MYLK: variants seen among roughly 807,000 people sequenced by gnomAD.
MYLK encodes the protein myosin light chain kinase, smooth muscle.
Under a neutral mutation model 203.4 loss-of-function variants are expected in MYLK, and 106 were observed. That is an observed-to-expected ratio of 0.52 (90% CI 0.45 to 0.61). MYLK has a LOEUF of 0.61. Among genes scored for constraint, MYLK ranks in the 20% least tolerant of loss-of-function variants. The pLI, the probability that MYLK is intolerant of heterozygous loss-of-function variation, is 0.00. For missense variants in MYLK, 2,072 were observed against 2,442.3 expected, an observed-to-expected ratio of 0.85 and a Z score of 3.20; for synonymous variants, 867 against 959.5, an observed-to-expected ratio of 0.90 and a Z score of 1.78.
chr3:123,753,366 G>A (rs755762261), intron 4 of MYLK, among the ~76,000 whole-genome samples: 5 of 152,154 alleles, frequency 3.3e-5, no homozygotes, highest in Non-Finnish European at 5.9e-5. Context: ...AGTCCTATGG[G>A]GTAGTGCTGC....
Position 123,692,791 on chromosome 3 carries a change from C to T in MYLK, c.3509G>A (p.Cys1170Tyr). The T allele has an allele frequency of 6.2e-7, 1 of 1,614,092 alleles. No individual in the cohort carries two copies. The highest frequency in any genetic ancestry group is 8.5e-7 in the Non-Finnish European group (1 of 1,180,022). ...ALPEDRGLYK[C>Y]VAKNDAGQAE... ...CTGGCCAGCGTCATTCTTGGCTACACACTTGTATAAGCCTCTGTCCTCAGG... is the reference window on the plus strand; with the variant it reads ...CTGGCCAGCGTCATTCTTGGCTACATACTTGTATAAGCCTCTGTCCTCAGG... The change falls in exon 19 of 34, where the codon TGT (cysteine) becomes TAT (tyrosine). Residue 1170 changes from cysteine to tyrosine, a missense_variant. By Grantham distance (194) the Cys-to-Tyr change is radical (BLOSUM62 -2). Transcript: ENST00000360304.
chr3:123,626,139 C>T (rs1328799020), intron 31 of MYLK, among the ~76,000 whole-genome samples: 1 of 152,160 alleles, frequency 6.6e-6, no homozygotes, highest in Non-Finnish European at 1.5e-5. Context: ...TTTAAATGGT[C>T]CCTGACAGAT....
chr3:123,757,331 T>C (rs2063387969), intron 4 of MYLK, among the ~76,000 whole-genome samples: 1 of 152,190 alleles, frequency 6.6e-6, no homozygotes, highest in Non-Finnish European at 1.5e-5. Flanking sequence ...TTCTCCAAGC[T>C]TGGTGAGTAG....
chr3:123,802,483 A>G (rs1577022083), intron 3 of MYLK, among the ~76,000 whole-genome samples: 1 of 152,280 alleles, frequency 6.6e-6, no homozygotes. Context: ...GCAGAGCAGC[A>G]GACCACGGGT....
intron 3 of MYLK, among the ~76,000 whole-genome samples, chr3:123,814,408 A>C (rs1366003615): frequency 1.3e-5 from 2 of 152,152 alleles, no homozygotes; most frequent in African/African-American, 4.8e-5. Flanking sequence ...AGGAATGTTG[A>C]ACTCACCCGA....
intron 5 of MYLK, among the ~76,000 whole-genome samples, chr3:123,747,289 T>G (rs2063048329): frequency 6.6e-6 from 1 of 152,166 alleles, no homozygotes; most frequent in South Asian, 2.1e-4. Flanking sequence ...TGTCACAGTC[T>G]AGGTGACCTG....
intron 3 of MYLK, among the ~76,000 whole-genome samples, chr3:123,798,706 G>C (rs1284946304): frequency 6.6e-6 from 1 of 152,202 alleles, no homozygotes; most frequent in Middle Eastern, 3.4e-3. Context: ...CTAGTCCCTT[G>C]CAAAGTGCTT....
At chr3:123,875,417 GAACA>G (rs2033088960) in intron 2 of MYLK, among the ~76,000 whole-genome samples, 1 of 152,184 alleles carries the variant, frequency 6.6e-6, no homozygotes, top group Non-Finnish European at 1.5e-5. Flanking sequence ...AGATAGGAAA[GAACA>G]CAGGGAGAGA....
At chr3:123,756,817 T>C (rs147112218) in intron 4 of MYLK, among the ~76,000 whole-genome samples, 119 of 152,304 alleles carry the variant, frequency 7.8e-4, no homozygotes, top group African/African-American at 2.4e-3. Context: ...CCACATTTAA[T>C]TGGAGGTTGT....
At position 123,769,664 on chromosome 3, in the gene MYLK, C is replaced by T. The variant is rs78567203; in HGVS notation, c.166-17126G>A. Among the ~76,000 whole-genome samples, 763 of 152,290 alleles carry T rather than the reference C, an allele frequency of 5.0e-3. 5 individuals are homozygous for T. The highest frequency in any genetic ancestry group is 7.4e-3 in the Non-Finnish European group (502 of 68,028). ...GGTTTTCCTTCAGTGGGCCTCATCA[C>T]GGCTTATAATTCATCTGTGTGCACA... is the stretch of plus-strand genomic sequence containing the variant. On this transcript the variant is annotated intron_variant, in intron 4 of 33. Transcript: ENST00000360304.
intron 28 of MYLK, among the ~76,000 whole-genome samples, chr3:123,638,463 G>T (rs941783092): frequency 6.6e-6 from 1 of 152,170 alleles, no homozygotes; most frequent in African/African-American, 2.4e-5. Context: ...CCCCTGAATG[G>T]TCTTTTTGTG....
chr3:123,694,262 A>G (rs2060812470), intron 18 of MYLK, among the ~76,000 whole-genome samples: 1 of 152,320 alleles, frequency 6.6e-6, no homozygotes, highest in African/African-American at 2.4e-5. Flanking sequence ...ACCCTTATAC[A>G]GACCCCAAAC....
At chr3:123,656,522 T>G (rs976451347) in intron 24 of MYLK, among the ~76,000 whole-genome samples, 17 of 152,146 alleles carry the variant, frequency 1.1e-4, no homozygotes, top group African/African-American at 4.1e-4. Flanking sequence ...TCTTGTAGAG[T>G]GCCTTTCCTT....
intron 2 of MYLK, among the ~76,000 whole-genome samples, chr3:123,847,715 T>A (rs557188821): frequency 1.3e-5 from 2 of 152,264 alleles, no homozygotes; most frequent in South Asian, 4.1e-4. Context: ...ATTAATATAT[T>A]TTCTAATGTT....
intron 29 of MYLK, among the ~76,000 whole-genome samples, chr3:123,631,771 G>A (rs1440798132): frequency 6.6e-6 from 1 of 152,026 alleles, no homozygotes; most frequent in Non-Finnish European, 1.5e-5. Context: ...AATCATTCTC[G>A]GTCATGTCCC....
chr3:123,778,529 A>T (rs2064164526), intron 4 of MYLK, among the ~76,000 whole-genome samples: 1 of 149,922 alleles, frequency 6.7e-6, no homozygotes, highest in Admixed American at 6.6e-5. Context: ...AAAAAAAAAA[A>T]AAAATCACCA....
chr3:123,653,234 T>C (rs906138133), intron 24 of MYLK, among the ~76,000 whole-genome samples: 5 of 152,076 alleles, frequency 3.3e-5, no homozygotes, highest in African/African-American at 9.7e-5. Flanking sequence ...CCCACCTCTC[T>C]GCCAACACAC....
At chr3:123,785,403 T>A (rs1576966770) in intron 4 of MYLK, among the ~76,000 whole-genome samples, 1 of 152,208 alleles carries the variant, frequency 6.6e-6, no homozygotes, top group East Asian at 1.9e-4. Context: ...CTTTGGAAAC[T>A]CTGTGACACC....
intron 29 of MYLK, among the ~76,000 whole-genome samples, chr3:123,632,673 A>C (rs2058484512): frequency 6.6e-6 from 1 of 152,196 alleles, no homozygotes; most frequent in Non-Finnish European, 1.5e-5. Context: ...CATACACAGC[A>C]TGTTGACAAA....
Sources: gnomAD v4.1 joint callset for allele counts (sites outside exome capture counted in the v4.1 genomes callset) on GRCh38, gnomAD v4.1.1 for gene constraint, MANE v1.5 for transcripts, NCBI Gene and HGNC (gene_info 2026-07-23, HGNC 2026-07-21) for gene names.